The following PPP2R2C variants were observed in gnomAD, a reference collection of about 807,000 sequenced individuals.
PPP2R2C encodes the protein protein phosphatase 2, regulatory subunit B, gamma.
PPP2R2C carries 10 observed loss-of-function variants against 45.3 expected under a neutral mutation model. That is an observed-to-expected ratio of 0.22 (90% CI 0.14 to 0.37). The LOEUF (loss-of-function observed/expected upper bound fraction) is 0.37. PPP2R2C is among the 10% of genes least tolerant of loss of function. PPP2R2C has a pLI of 1.00. For missense variants in PPP2R2C, 308 were observed against 619.7 expected, an observed-to-expected ratio of 0.50 and a Z score of 5.34; for synonymous variants, 257 against 245.4, an observed-to-expected ratio of 1.05 and a Z score of -0.44.
intron 1 of PPP2R2C, among the ~76,000 whole-genome samples, chr4:6,411,882 C>T (rs1718227445): frequency 6.6e-6 from 1 of 152,246 alleles, no homozygotes; most frequent in African/African-American, 2.4e-5. Flanking sequence ...AGCCCACTAT[C>T]CCAGTGGCCC....
At chr4:6,501,498 G>A (rs1004087091) in intron 2 of PPP2R2C, among the ~76,000 whole-genome samples, 2 of 152,182 alleles carry the variant, frequency 1.3e-5, no homozygotes, top group Admixed American at 1.3e-4. Context: ...TGCCCCTTCG[G>A]AAATCCCCCA....
chr4:6,510,908 C>T (rs1361804486), intron 2 of PPP2R2C, among the ~76,000 whole-genome samples: 1 of 141,950 alleles, frequency 7.0e-6, no homozygotes, highest in Non-Finnish European at 1.5e-5. Context: ...ACCCGGGAGG[C>T]AAAGGTTGCA....
chr4:6,510,192 C>A (rs983536192), intron 2 of PPP2R2C, among the ~76,000 whole-genome samples: 6 of 152,154 alleles, frequency 3.9e-5, no homozygotes, highest in Non-Finnish European at 8.8e-5. Flanking sequence ...ATGGAGTAAG[C>A]CCAAACTCCA....
At chr4:6,465,177 G>A (rs1361551825) in intron 1 of PPP2R2C, among the ~76,000 whole-genome samples, 2 of 146,898 alleles carry the variant, frequency 1.4e-5, no homozygotes, top group Non-Finnish European at 3.0e-5. Flanking sequence ...TGGTAAACCT[G>A]TAGGAAAAAA....
At chr4:6,525,879 T>A (rs998660059) in intron 2 of PPP2R2C, among the ~76,000 whole-genome samples, 5 of 152,180 alleles carry the variant, frequency 3.3e-5, no homozygotes, top group African/African-American at 7.2e-5. Flanking sequence ...AATTTTTATA[T>A]TTTTAGTAGA....
intron 2 of PPP2R2C, among the ~76,000 whole-genome samples, chr4:6,512,147 T>C (rs1723606659): frequency 1.4e-5 from 1 of 71,670 alleles, no homozygotes; most frequent in African/African-American, 7.0e-5. Flanking sequence ...ATTATGGTGG[T>C]AGTGGTGATG....
intron 1 of PPP2R2C, among the ~76,000 whole-genome samples, chr4:6,551,867 C>T (rs1046681670): frequency 5.3e-5 from 8 of 152,246 alleles, no homozygotes; most frequent in Non-Finnish European, 1.0e-4. Context: ...CAGCTGAGCC[C>T]TTCCTCAGCT....
At chr4:6,348,084 AC>A (rs1712172213) in intron 5 of PPP2R2C, 74 bp from the exon 6 acceptor site, 2 of 1,549,068 alleles carry the variant, frequency 1.3e-6, no homozygotes, top group Non-Finnish European at 1.8e-6. Flanking sequence ...GGTTTCTGAC[AC>A]CTCTCCCGAG....
intron 1 of PPP2R2C, among the ~76,000 whole-genome samples, chr4:6,419,599 TCTGGGATGTTAGGGC>T (rs2109389518): frequency 6.6e-6 from 1 of 152,258 alleles, no homozygotes; most frequent in South Asian, 2.1e-4. Context: ...GGACTCCTCT[TCTGGGATGTTAGGGC>T]CTGGGATGTG....
At chr4:6,338,855 G>A (rs1166639583) in intron 6 of PPP2R2C, among the ~76,000 whole-genome samples, 6 of 152,154 alleles carry the variant, frequency 3.9e-5, no homozygotes, top group African/African-American at 9.7e-5. Flanking sequence ...AGAATGCATC[G>A]TGCTCTGTGT....
At chr4:6,429,038 A>G (rs910825864) in intron 1 of PPP2R2C, among the ~76,000 whole-genome samples, 2 of 152,158 alleles carry the variant, frequency 1.3e-5, no homozygotes, top group Non-Finnish European at 2.9e-5. Flanking sequence ...CTCTTTGGCA[A>G]CTCTGCACCT....
At chr4:6,439,708 T>C (rs1335303491) in intron 1 of PPP2R2C, among the ~76,000 whole-genome samples, 1 of 152,194 alleles carries the variant, frequency 6.6e-6, no homozygotes, top group African/African-American at 2.4e-5. Context: ...ACTAAAGATC[T>C]AACCACATCA....
intron 1 of PPP2R2C, among the ~76,000 whole-genome samples, chr4:6,441,140 T>C (rs1720130721): frequency 6.6e-6 from 1 of 151,888 alleles, no homozygotes; most frequent in Non-Finnish European, 1.5e-5. Flanking sequence ...AAAAGGGGGT[T>C]CCAGCAGCCT....
rs188187738 is a variant in PPP2R2C, at chr4:6,515,558, C to T, written c.49+19713G>A. The stretch of plus-strand genomic sequence containing the variant: ...CAGAGTACTCACCTCAAAGAGCTGT[C>T]ATGCAGACTAAATGAGTGAGTACTT... On this transcript the variant is annotated intron_variant, in intron 2 of 9. Transcript: ENST00000506140. Among the ~76,000 whole-genome samples the T allele has an allele frequency of 2.3e-3, 353 of 152,348 alleles. 3 individuals carry two copies. The highest frequency in any genetic ancestry group is 8.1e-3 in the African/African-American group (335 of 41,584).
chr4:6,502,201 C>T (rs1723081277), intron 2 of PPP2R2C, among the ~76,000 whole-genome samples: 1 of 152,178 alleles, frequency 6.6e-6, no homozygotes, highest in African/African-American at 2.4e-5. Flanking sequence ...AAATGAGTCC[C>T]ACCTTCGGGA....
intron 2 of PPP2R2C, among the ~76,000 whole-genome samples, chr4:6,517,382 A>G (rs1723858030): frequency 6.6e-6 from 1 of 152,174 alleles, no homozygotes; most frequent in South Asian, 2.1e-4. Flanking sequence ...CAGGCATGTT[A>G]CCTAGCCTAT....
At position 6,445,202 on chromosome 4, in the gene PPP2R2C, T is replaced by TA. The variant is rs1156843590; in HGVS notation, c.70+26957dup. Among the ~76,000 whole-genome samples, 1,397 of 145,226 alleles carry TA rather than the reference T, an allele frequency of 9.6e-3. 13 individuals are homozygous for TA. The highest frequency in any genetic ancestry group is 0.034 in the African/African-American group (1,311 of 38,952). On this transcript the variant is annotated intron_variant, in intron 1 of 8. Transcript: ENST00000382599. ...AGACCCTGTCTCAACAAAAGCAAAA[T>TA]AAAAACAAAAAAAAAAACCCTCTCC...
chr4:6,402,638 G>C (rs1408606484), intron 1 of PPP2R2C, among the ~76,000 whole-genome samples: 1 of 152,210 alleles, frequency 6.6e-6, no homozygotes, highest in Non-Finnish European at 1.5e-5. Flanking sequence ...CAGTCTCATG[G>C]GGCAGTCATG....
chr4:6,413,784 T>C, intron 1 of PPP2R2C: 1 of 1,316,686 alleles, frequency 7.6e-7, no homozygotes, highest in South Asian at 1.4e-5. Context: ...CTCTGAGAAG[T>C]GGAGACTGGC....
Sources: gnomAD v4.1 joint callset for allele counts (sites outside exome capture counted in the v4.1 genomes callset) on GRCh38, gnomAD v4.1.1 for gene constraint, MANE v1.5 for transcripts, NCBI Gene and HGNC (gene_info 2026-07-23, HGNC 2026-07-21) for gene names.